The following ADAM28 variants were observed in gnomAD, a reference collection of about 807,000 sequenced individuals.
ADAM28 encodes disintegrin and metalloproteinase domain-containing protein 28.
A neutral mutation model predicts 101.2 loss-of-function variants in ADAM28; 105 were observed. That is an observed-to-expected ratio of 1.04 (90% CI 0.89 to 1.22). The LOEUF (loss-of-function observed/expected upper bound fraction) is 1.22. ADAM28 is among the 50% of genes most tolerant of loss of function. The pLI, the probability that ADAM28 is intolerant of heterozygous loss-of-function variation, is 0.00. For missense variants in ADAM28, 1,028 were observed against 945.4 expected (o/e 1.09, Z -1.15); for synonymous variants, 322 against 310.6 (o/e 1.04, Z -0.39).
chr8:24,345,225 T>G (rs963860758), intron 18 of ADAM28, among the ~76,000 whole-genome samples: 7 of 152,052 alleles, frequency 4.6e-5, no homozygotes, highest in Admixed American at 1.3e-4. Context: ...TTCTTTAAAC[T>G]GAGGATTTGC....
intron 2 of ADAM28, among the ~76,000 whole-genome samples, chr8:24,302,840 T>C (rs894621847): frequency 3.1e-4 from 47 of 151,922 alleles, no homozygotes; most frequent in African/African-American, 1.1e-3. Context: ...TACATATATA[T>C]ACATGTGCCA....
chr8:24,353,675 G>A (rs1373373035), intron 21 of ADAM28, 95 bp from the exon 22 acceptor site: 3 of 868,160 alleles, frequency 3.5e-6, no homozygotes, highest in Admixed American at 2.1e-5. Context: ...GTGAAGAAGA[G>A]CTAGGAAATA....
rs1265583241 is a variant in ADAM28 at position 24,355,412 on chromosome 8, C to T, written c.*1008C>T. On this transcript the variant is annotated 3_prime_UTR_variant, in exon 23 of 23. Transcript: ENST00000265769. Reference sequence around the variant, plus strand: ...AATATCCTATCTAATCTATCTATCTCAGGGATAAATCCCTATCCTTTTAAG... The same window carrying T: ...AATATCCTATCTAATCTATCTATCTTAGGGATAAATCCCTATCCTTTTAAG... 6.7e-6 allele frequency: 1 copy of T among 150,094 alleles called. No homozygotes were observed. Among genetic ancestry groups the T allele is most frequent in the Non-Finnish European group, 1.5e-5 (1 of 67,514 alleles). The allele number at this position is 150,094 out of a possible 1,614,324, so 9.3% of individuals were successfully genotyped here.
intron 6 of ADAM28, among the ~76,000 whole-genome samples, chr8:24,314,046 C>G (rs192504848): frequency 6.6e-6 from 1 of 152,012 alleles, no homozygotes; most frequent in African/African-American, 2.4e-5. Flanking sequence ...CATGAGCCAC[C>G]GCACTTAGCC....
chr8:24,346,431 T>A (rs575725297), intron 18 of ADAM28, among the ~76,000 whole-genome samples: 1 of 152,110 alleles, frequency 6.6e-6, no homozygotes, highest in Non-Finnish European at 1.5e-5. Flanking sequence ...ATAAATTGTT[T>A]TATAATATTT....
chr8:24,310,034 G>C, intron 3 of ADAM28, 64 bp downstream of exon 3: 1 of 1,472,904 alleles, frequency 6.8e-7, no homozygotes, highest in Non-Finnish European at 9.5e-7. Flanking sequence ...AGAGTGTGCT[G>C]AGTCTGTTGC....
At chr8:24,311,280 G>A (rs1810418613) in intron 4 of ADAM28, 81 bp from the exon 5 acceptor site, 1 of 1,048,938 alleles carries the variant, frequency 9.5e-7, no homozygotes, top group Non-Finnish European at 1.4e-6. Flanking sequence ...TTAAAATCCT[G>A]TTTCAAGATT....
At chr8:24,302,716 G>A (rs1808957850) in intron 2 of ADAM28, among the ~76,000 whole-genome samples, 1 of 152,086 alleles carries the variant, frequency 6.6e-6, no homozygotes, top group Non-Finnish European at 1.5e-5. Context: ...TTTCATGTTT[G>A]TTGGCTGCAT....
At position 24,358,231 on chromosome 8, in the gene ADAM28, C is replaced by T. The variant is rs1009635607; in HGVS notation, c.*3827C>T. ...TAGTATGTTCCCCATCATTCAAAGA[C>T]ACCATTATTTCCTAAGTGTTATATT... On this transcript the variant is annotated 3_prime_UTR_variant, in exon 23 of 23. Transcript: ENST00000265769. The T allele has an allele frequency of 5.3e-5, 8 of 152,210 alleles. No homozygotes were observed. Among genetic ancestry groups the T allele is most frequent in the Non-Finnish European group, 2.9e-5 (2 of 68,042 alleles). 9.4% of individuals were successfully genotyped at this position (152,210 alleles called of 1,614,324 possible).
At chr8:24,325,887 A>ACAAAC (rs777636167) in intron 9 of ADAM28, among the ~76,000 whole-genome samples, 9 of 135,978 alleles carry the variant, frequency 6.6e-5, no homozygotes, top group East Asian at 2.4e-4. Flanking sequence ...AAAAAAAAAA[A>ACAAAC]AAAAAAAAAA....
Position 24,310,222 on chromosome 8 carries a change from C to A in ADAM28, c.287C>A (p.Thr96Asn). 1 of 1,613,142 alleles carries A rather than the reference C, an allele frequency of 6.2e-7. No individual in the cohort carries two copies. Among genetic ancestry groups the A allele is most frequent in the South Asian group, 1.1e-5 (1 of 91,060 alleles). ...TATAATTCCACTGGAAAGGAGATCACCACAAGCCCACAAATTATGGTATAA... is the reference window on the plus strand; with the variant it reads ...TATAATTCCACTGGAAAGGAGATCAACACAAGCCCACAAATTATGGTATAA... ...TYYNSTGKEI[T>N]TSPQIMDDCY... is the part of the protein sequence containing the mutation. Residue 96 changes from threonine (T) to asparagine (N), a missense_variant, in exon 4 of 23, where the codon ACC becomes AAC. Thr to Asn is a moderately conservative substitution (Grantham distance 65). Transcript: ENST00000265769.
chr8:24,348,749 T>C (rs914249135), intron 18 of ADAM28, among the ~76,000 whole-genome samples: 2 of 152,188 alleles, frequency 1.3e-5, no homozygotes, highest in African/African-American at 4.8e-5. Context: ...AAACCTTCCG[T>C]TGTTATACTT....
intron 14 of ADAM28, chr8:24,335,974 G>A (rs1349289512): frequency 6.1e-5 from 65 of 1,059,222 alleles, no homozygotes; most frequent in Non-Finnish European, 7.2e-5. Context: ...TAAACTGGGT[G>A]TCTTTTTCTT....
At chr8:24,328,745 T>C (rs1024847705) in intron 10 of ADAM28, among the ~76,000 whole-genome samples, 6 of 151,900 alleles carry the variant, frequency 3.9e-5, no homozygotes, top group Non-Finnish European at 7.4e-5. Flanking sequence ...CTGGCCAACA[T>C]GGTTAAACCC....
At chr8:24,351,964 G>GAAAT (rs779449712) in intron 20 of ADAM28, 23 bp from the exon 21 acceptor site, 9 of 1,612,182 alleles carry the variant, frequency 5.6e-6, no homozygotes, top group Non-Finnish European at 7.6e-6. Context: ...GGTTCATTTT[G>GAAAT]AAATATTCGT....
In ADAM28 at chr8:24,313,447, G is replaced by T. The variant is rs35186768; in HGVS notation, c.443G>T (p.Arg148Leu). 3,838 of 1,613,692 alleles carry T rather than the reference G, an allele frequency of 2.4e-3. 87 individuals are homozygous for T. In the African/African-American group the frequency reaches 0.045, roughly 19 times the overall value. The change falls in exon 6 of 23, where the codon CGG becomes CTG. Residue 148 changes from arginine to leucine, a missense_variant. Transcript: ENST00000265769. ...ATTGAACCTTTAAGCCCCATACATC[G>T]GGATGGACAGGAGCATGCACTCTTC... ...YFIEPLSPIH[R>L]DGQEHALFKY... is the part of the protein sequence containing the mutation.
At chr8:24,340,199 C>T (rs1322273873) in intron 15 of ADAM28, among the ~76,000 whole-genome samples, 2 of 152,166 alleles carry the variant, frequency 1.3e-5, no homozygotes, top group African/African-American at 4.8e-5. Flanking sequence ...AGATTAAACT[C>T]TTTGTACCTG....
intron 13 of ADAM28, among the ~76,000 whole-genome samples, chr8:24,334,742 G>A (rs1585677229): frequency 1.3e-5 from 2 of 152,126 alleles, no homozygotes; most frequent in Admixed American, 6.5e-5. Context: ...ACCTGCTCCT[G>A]TTAGGAAGGA....
At chr8:24,337,857 G>A (rs1440252558) in intron 14 of ADAM28, among the ~76,000 whole-genome samples, 2 of 152,124 alleles carry the variant, frequency 1.3e-5, no homozygotes, top group South Asian at 2.1e-4. Flanking sequence ...GCATAAGCAG[G>A]CAATTTGTCA....
Sources: gnomAD v4.1 joint callset for allele counts (sites outside exome capture counted in the v4.1 genomes callset) on GRCh38, gnomAD v4.1.1 for gene constraint, MANE v1.5 for transcripts, NCBI Gene and HGNC (gene_info 2026-07-23, HGNC 2026-07-21) for gene names.